The following ZKSCAN7 variants were observed in gnomAD, a reference collection of about 807,000 sequenced individuals.
ZKSCAN7 encodes zinc finger protein with KRAB and SCAN domains 7.
A neutral mutation model predicts 65.3 loss-of-function variants in ZKSCAN7; 38 were observed. The observed-to-expected ratio is 0.58, with a 90% CI of 0.45 to 0.76. The LOEUF (loss-of-function observed/expected upper bound fraction) is 0.76. Ranked by LOEUF, ZKSCAN7 falls within the 30% of genes least tolerant of loss-of-function variation. The pLI, the probability that ZKSCAN7 is intolerant of heterozygous loss-of-function variation, is 0.00. For missense variants in ZKSCAN7, 815 were observed against 913.3 expected (o/e 0.89, Z 1.39); for synonymous variants, 321 against 321.0 (o/e 1.00, Z 0.00).
downstream of ZKSCAN7, among the ~76,000 whole-genome samples, chr3:44,576,965 CT>C (rs753251023): frequency 5.3e-3 from 750 of 142,588 alleles, no homozygotes; most frequent in Middle Eastern, 7.4e-3. Context: ...GAAACAAAAT[CT>C]TTTTTTTTTT....
At chr3:44,581,047 C>T (rs892570454) in intron 5 of ZKSCAN7, 42 of 1,512,532 alleles carry the variant, frequency 2.8e-5, no homozygotes, top group African/African-American at 7.1e-5. Context: ...GCGGCGGCGG[C>T]GGCGCAGGCC....
In ZKSCAN7 at chr3:44,571,753, A is replaced by G. The variant is rs757773870; in HGVS notation, c.*378A>G. On this transcript the variant is annotated 3_prime_UTR_variant, in exon 6 of 6. Transcript: ENST00000426540. ...TCACCATTTATACAAAGTCATTCAA[A>G]AAGGCTGATTCATGCCTTCCTGCCT... The G allele has an allele frequency of 1.1e-5, 11 of 1,033,922 alleles. No individual in the cohort carries two copies. Among genetic ancestry groups the G allele is most frequent in the Non-Finnish European group, 1.3e-5 (11 of 859,084 alleles). The allele number at this position is 1,033,922 out of a possible 1,614,324, so 64.0% of individuals were successfully genotyped here. A position where few individuals can be genotyped will look rare whatever the true frequency, so the allele number is the denominator to read the frequency against.
intron 5 of ZKSCAN7, chr3:44,582,907 C>CGTTTGT (rs1491487200): frequency 3.0e-6 from 1 of 331,582 alleles, no homozygotes; most frequent in African/African-American, 2.3e-5. Context: ...CATGAATATT[C>CGTTTGT]GTGTGTGTGT....
chr3:44,575,608 AC>A (rs1172406284), downstream of ZKSCAN7, among the ~76,000 whole-genome samples: 12 of 152,002 alleles, frequency 7.9e-5, no homozygotes, highest in African/African-American at 2.9e-4. Flanking sequence ...ACAGAGTTTC[AC>A]TCTTGTTGCC....
At position 44,571,795 on chromosome 3, in the gene ZKSCAN7, C is replaced by A; in HGVS notation, c.*420C>A. ...TTCCTGCCTCTTGGCTATGGCCCTC[C>A]CCATCTACTCTTTAAACTTTAATCT... is the stretch of plus-strand genomic sequence containing the variant. On this transcript the variant is annotated 3_prime_UTR_variant, in exon 6 of 6. Coordinates refer to ENST00000426540, the MANE Select transcript of ZKSCAN7 (RefSeq NM_001288590.2). 2 of 1,004,958 alleles carry A rather than the reference C, an allele frequency of 2.0e-6. No homozygotes were observed. Among genetic ancestry groups the A allele is most frequent in the Non-Finnish European group, 1.2e-6 (1 of 841,350 alleles). 62.3% of individuals were successfully genotyped at this position (1,004,958 alleles called of 1,614,324 possible). A position where few individuals can be genotyped will look rare whatever the true frequency, so the allele number is the denominator to read the frequency against.
intron 5 of ZKSCAN7, chr3:44,578,145 T>C (rs1699964108): frequency 1.3e-6 from 2 of 1,517,162 alleles, no homozygotes; most frequent in African/African-American, 2.7e-5. Context: ...CTTAAGCTGC[T>C]CTTTCAACCT....
Position 44,571,737 on chromosome 3 carries a change from A to C in ZKSCAN7, c.*362A>C. 19 of 1,050,850 alleles carry C rather than the reference A, an allele frequency of 1.8e-5. No individual in the cohort carries two copies. The highest frequency in any genetic ancestry group is 2.0e-5 in the Non-Finnish European group (17 of 869,682). The allele number at this position is 1,050,850 out of a possible 1,614,324, so 65.1% of individuals were successfully genotyped here. The stretch of plus-strand genomic sequence containing the variant: ...TTCTACTTCCTCCATTTCACCATTT[A>C]TACAAAGTCATTCAAAAAGGCTGAT... On this transcript the variant is annotated 3_prime_UTR_variant, in exon 6 of 6. Transcript: ENST00000426540.
Position 44,565,574 on chromosome 3 carries a change from C to G in ZKSCAN7, c.511C>G (p.Leu171Val). 1 of 1,613,130 alleles carries G rather than the reference C, an allele frequency of 6.2e-7. No individual in the cohort carries two copies. Residue 171 changes from leucine (L) to valine (V), a missense_variant, in exon 3 of 6, where the codon CTC becomes GTC. Coordinates refer to ENST00000426540, the MANE Select transcript of ZKSCAN7 (RefSeq NM_001288590.2). ...TTKESPPTSP[L>V]SGGSAPGAHL... is the part of the protein sequence containing the mutation. ...AAAGGAATCTCCTCCTACCTCACCC[C>G]TCAGTGGGGGCTCAGCCCCTGGAGC...
rs1699753760 is a variant in ZKSCAN7, at chr3:44,570,142, A to G, written c.1032A>G (p.Glu344=). The G allele has an allele frequency of 6.2e-7, 1 of 1,614,024 alleles. No individual in the cohort carries two copies. Among genetic ancestry groups the G allele is most frequent in the South Asian group, 1.1e-5 (1 of 91,074 alleles). Residue 344 remains glutamate (E), a synonymous_variant, in exon 6 of 6, where the codon GAA becomes GAG. Coordinates refer to ENST00000426540, the MANE Select transcript of ZKSCAN7 (RefSeq NM_001288590.2). ...LENDFLEITD[E]DKKKSTKDRY... The stretch of plus-strand genomic sequence containing the variant: ...ATGATTTCTTGGAAATAACAGATGA[A>G]GATAAGAAAAAATCCACAAAAGACA...
At chr3:44,583,009 C>A in exon 6 of ZKSCAN7, 1 of 445,832 alleles carries the variant, frequency 2.2e-6, no homozygotes, top group Non-Finnish European at 4.5e-6. Context: ...TCACTTCAAT[C>A]TCCAGCTCCC....
rs200010228 is a variant in ZKSCAN7, at chr3:44,580,040, G to A, written c.812-2932G>A. 3.2e-5 allele frequency: 51 copies of A among 1,579,378 alleles called. No homozygotes were observed. In the Middle Eastern group the frequency reaches 5.0e-4, roughly 16 times the overall value. ...ACGCCCTTTTCTCGCTGCGGCCCTGGCGTGTGTCACTGGATGGCGAGGGCC... is the reference window on the plus strand; with the variant it reads ...ACGCCCTTTTCTCGCTGCGGCCCTGACGTGTGTCACTGGATGGCGAGGGCC... On this transcript the variant is annotated intron_variant, in intron 5 of 5. Coordinates refer to the ZKSCAN7 transcript ENST00000341840.
rs902870278 is a variant in ZKSCAN7 at position 44,556,645 on chromosome 3, T to C, written c.-118-285T>C. 3.9e-5 allele frequency among the ~76,000 whole-genome samples: 6 copies of C among 152,358 alleles called. No homozygotes were observed. In the East Asian group the frequency reaches 9.6e-4, roughly 24 times the overall value. On this transcript the variant is annotated intron_variant, in intron 1 of 5. Transcript: ENST00000426540. ...ACATTGGAGACCATTGCTGTCTTTC[T>C]AGCATGGGTACTTGGGGTGAGTGGT...
At chr3:44,572,343 A>ATT (rs1219703340), downstream of ZKSCAN7, among the ~76,000 whole-genome samples, 3 of 110,446 alleles carry the variant, frequency 2.7e-5, no homozygotes, top group Non-Finnish European at 5.4e-5. Context: ...ATGCGAATGG[A>ATT]TTTTGTGTGT....
intron 3 of ZKSCAN7, among the ~76,000 whole-genome samples, chr3:44,567,119 G>C (rs1278793988): frequency 7.4e-6 from 1 of 134,930 alleles, no homozygotes; most frequent in Admixed American, 7.3e-5. Context: ...AACAAAAAGA[G>C]AGAGAGAGAG....
chr3:44,582,878 T>C, intron 5 of ZKSCAN7: 1 of 397,538 alleles, frequency 2.5e-6, no homozygotes, highest in East Asian at 1.1e-4. Flanking sequence ...AAGTTAAAGA[T>C]CACAGCTCCC....
At chr3:44,582,116 G>A (rs1700098855) in intron 5 of ZKSCAN7, among the ~76,000 whole-genome samples, 1 of 152,206 alleles carries the variant, frequency 6.6e-6, no homozygotes, top group South Asian at 2.1e-4. Context: ...TGGATACAGG[G>A]AAGGTGTTAA....
intron 3 of ZKSCAN7, among the ~76,000 whole-genome samples, chr3:44,566,829 G>T (rs1699646904): frequency 6.6e-6 from 1 of 151,328 alleles, no homozygotes; most frequent in Non-Finnish European, 1.5e-5. Flanking sequence ...TAGAAATGGG[G>T]TCTCCTACTG....
downstream of ZKSCAN7, chr3:44,572,215 G>C: frequency 2.0e-6 from 2 of 985,252 alleles, no homozygotes; most frequent in Non-Finnish European, 1.2e-6. Context: ...TCCCCAGCTG[G>C]ACCAGCTGCT....
chr3:44,579,755 G>C (rs1459788747), intron 5 of ZKSCAN7, among the ~76,000 whole-genome samples: 2 of 152,140 alleles, frequency 1.3e-5, no homozygotes, highest in African/African-American at 4.8e-5. Flanking sequence ...ATCCAAGTCG[G>C]CTGCCTCCTC....
Sources: gnomAD v4.1 joint callset for allele counts (sites outside exome capture counted in the v4.1 genomes callset) on GRCh38, gnomAD v4.1.1 for gene constraint, MANE v1.5 for transcripts, NCBI Gene and HGNC (gene_info 2026-07-23, HGNC 2026-07-21) for gene names.